Variants in ZPBP observed in about 807,000 individuals in gnomAD.
The protein encoded by ZPBP is zona pellucida binding protein, also known as zona pellucida-binding protein 1.
In ZPBP, 26 loss-of-function variants were observed where a neutral mutation model predicts 44.8. The observed-to-expected ratio is 0.58, with a 90% CI of 0.43 to 0.81. The LOEUF (loss-of-function observed/expected upper bound fraction) is 0.81, where lower values mean the gene tolerates loss of function less well. Ranked by LOEUF, ZPBP falls within the 30% of genes least tolerant of loss-of-function variation. The pLI, the probability that ZPBP is intolerant of heterozygous loss-of-function variation, is 0.00. For missense variants in ZPBP, 409 were observed against 434.0 expected (o/e 0.94, Z 0.51); for synonymous variants, 174 against 153.2 (o/e 1.14, Z -1.00).
At chr7:50,069,810 C>T (rs567984259) in intron 3 of ZPBP, among the ~76,000 whole-genome samples, 6 of 152,186 alleles carry the variant, frequency 3.9e-5, no homozygotes, top group Middle Eastern at 3.4e-3. Flanking sequence ...CAGCCAGGAA[C>T]GTGCCTTCCC....
intron 2 of ZPBP, among the ~76,000 whole-genome samples, chr7:49,862,402 A>G (rs970475603): frequency 1.3e-5 from 2 of 152,200 alleles, no homozygotes; most frequent in Non-Finnish European, 2.9e-5. Flanking sequence ...AGACAGGATC[A>G]TACTAACCGT....
At chr7:49,918,495 A>G (rs951442865) in intron 1 of ZPBP, 1 of 152,232 alleles carries the variant, frequency 6.6e-6, no homozygotes, top group Non-Finnish European at 1.5e-5. Flanking sequence ...CTAAATGCTT[A>G]TGCTATATTT....
chr7:49,878,563 C>T (rs1056461719), intron 2 of ZPBP, among the ~76,000 whole-genome samples: 3 of 152,138 alleles, frequency 2.0e-5, no homozygotes, highest in Non-Finnish European at 2.9e-5. Flanking sequence ...TCTCAACGCT[C>T]GGTCTACTTT....
chr7:49,912,270 AAAG>A, intron 1 of ZPBP: 1 of 1,407,676 alleles, frequency 7.1e-7, no homozygotes, highest in Non-Finnish European at 9.5e-7. Flanking sequence ...ACTATCAGTC[AAAG>A]AAGACTTTTG....
chr7:50,031,483 A>C, intron 4 of ZPBP, among the ~76,000 whole-genome samples, 173 bp from the exon 5 acceptor site: 1 of 152,180 alleles, frequency 6.6e-6, no homozygotes, highest in Non-Finnish European at 1.5e-5. Flanking sequence ...CTAAGTACCA[A>C]ATACTATGAT....
chr7:49,979,499 ATAAGT>A (rs1375905960), intron 7 of ZPBP, among the ~76,000 whole-genome samples: 1 of 151,952 alleles, frequency 6.6e-6, no homozygotes, highest in African/African-American at 2.4e-5. Context: ...GTAGTACATA[ATAAGT>A]TGAGTGTAAT....
At chr7:49,978,814 T>C (rs984609323) in intron 7 of ZPBP, among the ~76,000 whole-genome samples, 4 of 152,070 alleles carry the variant, frequency 2.6e-5, no homozygotes, top group African/African-American at 9.7e-5. Flanking sequence ...TATTTAAGTA[T>C]CTTTTTGAGT....
chr7:50,032,828 T>C (rs1414744051), intron 4 of ZPBP, among the ~76,000 whole-genome samples: 1 of 152,230 alleles, frequency 6.6e-6, no homozygotes, highest in Non-Finnish European at 1.5e-5. Context: ...CTTCAAAATC[T>C]CTCGCAAATC....
At chr7:49,918,085 A>G (rs1160310763) in intron 1 of ZPBP, 3 of 152,234 alleles carry the variant, frequency 2.0e-5, no homozygotes, top group Non-Finnish European at 4.4e-5. Flanking sequence ...GTGAATGTAT[A>G]TCATCGGCCA....
intron 1 of ZPBP, among the ~76,000 whole-genome samples, chr7:49,929,912 C>A (rs963571993): frequency 2.6e-5 from 4 of 152,164 alleles, no homozygotes; most frequent in Non-Finnish European, 5.9e-5. Flanking sequence ...CTGGCCTGTT[C>A]AACACTCATT....
At chr7:49,870,497 T>C (rs1448633200) in intron 2 of ZPBP, among the ~76,000 whole-genome samples, 1 of 152,220 alleles carries the variant, frequency 6.6e-6, no homozygotes, top group African/African-American at 2.4e-5. Flanking sequence ...AAGATTTCTA[T>C]CTTTTTCTGA....
chr7:49,999,993 T>C (rs1387688703), intron 6 of ZPBP, among the ~76,000 whole-genome samples: 1 of 152,092 alleles, frequency 6.6e-6, no homozygotes, highest in East Asian at 1.9e-4. Context: ...AGGAAATTAG[T>C]TGTTTTTTTT....
chr7:50,044,282 A>G (rs894535203), intron 4 of ZPBP, among the ~76,000 whole-genome samples: 2 of 152,196 alleles, frequency 1.3e-5, no homozygotes, highest in African/African-American at 4.8e-5. Context: ...AACAAATTCA[A>G]AAGCCAGCAG....
intron 7 of ZPBP, among the ~76,000 whole-genome samples, chr7:49,979,843 ATAT>A (rs1562816621): frequency 1.5e-4 from 11 of 72,750 alleles, no homozygotes; most frequent in African/African-American, 6.2e-4. Context: ...ATATATATAT[ATAT>A]AAAATATATA....
intron 2 of ZPBP, among the ~76,000 whole-genome samples, chr7:49,886,479 T>C (rs780987151): frequency 2.6e-5 from 4 of 152,246 alleles, no homozygotes; most frequent in Non-Finnish European, 5.9e-5. Context: ...ATTGGTATGC[T>C]CTTTTCCATT....
intron 1 of ZPBP, among the ~76,000 whole-genome samples, chr7:49,908,524 T>G (rs1470035915): frequency 1.3e-5 from 2 of 152,122 alleles, no homozygotes; most frequent in African/African-American, 4.8e-5. Context: ...TTTTGAATTA[T>G]AATTAATATT....
At chr7:49,923,471 C>T (rs1399399780) in intron 1 of ZPBP, among the ~76,000 whole-genome samples, 2 of 152,086 alleles carry the variant, frequency 1.3e-5, no homozygotes, top group Non-Finnish European at 2.9e-5. Context: ...AATTAATGCC[C>T]TATATAGTAT....
chr7:50,086,478 A>G (rs890951840), intron 2 of ZPBP, among the ~76,000 whole-genome samples: 1 of 152,074 alleles, frequency 6.6e-6, no homozygotes, highest in African/African-American at 2.4e-5. Context: ...AATGTAATAA[A>G]GAATGTGTGA....
chr7:49,976,878 G>A (rs1177611751), intron 7 of ZPBP, among the ~76,000 whole-genome samples: 2 of 151,890 alleles, frequency 1.3e-5, no homozygotes, highest in African/African-American at 4.8e-5. Flanking sequence ...GGAGGCGGGC[G>A]GATCACGAGG....
Sources: gnomAD v4.1 joint callset for allele counts (sites outside exome capture counted in the v4.1 genomes callset) on GRCh38, gnomAD v4.1.1 for gene constraint, MANE v1.5 for transcripts, NCBI Gene and HGNC (gene_info 2026-07-23, HGNC 2026-07-21) for gene names.